ASB4: variants seen among roughly 807,000 people sequenced by gnomAD.
ASB4 encodes ankyrin repeat and SOCS box protein 4.
In ASB4, 35 loss-of-function variants were observed where a neutral mutation model predicts 38.6. The observed-to-expected ratio is 0.91, with a 90% CI of 0.69 to 1.20. ASB4 has a LOEUF of 1.20. Among genes scored for constraint, ASB4 ranks in the 50% most tolerant of loss-of-function variants. The pLI, the probability that ASB4 is intolerant of heterozygous loss-of-function variation, is 0.00. For missense variants in ASB4, 557 were observed against 527.2 expected (o/e 1.06, Z -0.55); for synonymous variants, 195 against 201.3 (o/e 0.97, Z 0.26).
At chr7:95,497,132 G>A (rs1465688285) in intron 2 of ASB4, among the ~76,000 whole-genome samples, 1 of 152,102 alleles carries the variant, frequency 6.6e-6, no homozygotes, top group Non-Finnish European at 1.5e-5. Context: ...TCAAAGTGTA[G>A]GGCTCTGAAA....
At chr7:95,472,740 C>T in the ASB4 span, among the ~76,000 whole-genome samples, 3 of 152,106 alleles carry the variant, frequency 2.0e-5, no homozygotes, top group Non-Finnish European at 4.4e-5. Context: ...TATGATAAAA[C>T]GCGGTTAACC....
intron 3 of ASB4, among the ~76,000 whole-genome samples, chr7:95,532,898 T>C (rs1459706279): frequency 6.6e-6 from 1 of 152,196 alleles, no homozygotes. Context: ...CATCTTCTGT[T>C]TTCTGGGCTG....
chr7:95,493,139 A>G (rs184240566), intron 1 of ASB4, among the ~76,000 whole-genome samples: 1 of 152,186 alleles, frequency 6.6e-6, no homozygotes, highest in Non-Finnish European at 1.5e-5. Context: ...TGGAATCTCA[A>G]AGTAATATAT....
At chr7:95,502,854 T>A (rs1004335895) in intron 2 of ASB4, among the ~76,000 whole-genome samples, 1 of 152,166 alleles carries the variant, frequency 6.6e-6, no homozygotes, top group Non-Finnish European at 1.5e-5. Context: ...CTCAAAAAAT[T>A]GCTTGATTCC....
intron 2 of ASB4, among the ~76,000 whole-genome samples, chr7:95,506,859 A>G (rs1445043354): frequency 2.0e-5 from 3 of 151,584 alleles, no homozygotes; most frequent in Non-Finnish European, 4.4e-5. Flanking sequence ...TCTGCTTTCT[A>G]TATGCTCTCT....
downstream of ASB4, chr7:95,544,395 A>T (rs1466208958): frequency 6.6e-6 from 1 of 152,202 alleles, no homozygotes; most frequent in African/African-American, 2.4e-5. Flanking sequence ...TCTTAGGATG[A>T]TCCATCAAGG....
chr7:95,509,568 A>G (rs896803647), intron 2 of ASB4, among the ~76,000 whole-genome samples: 1 of 152,226 alleles, frequency 6.6e-6, no homozygotes. Flanking sequence ...ACTTGAGTAA[A>G]TAATTTAATA....
At position 95,527,988 on chromosome 7, in the gene ASB4, C is replaced by A; in HGVS notation, c.663C>A (p.Arg221=). ...PLAIAAYWAL[R]FKEQEYSTEH... is the part of the protein sequence containing the mutation. ...CCATCGCCGCCTACTGGGCCCTCCG[C>A]TTTAAGGAGCAGGAGTACAGCACGG... The change falls in exon 3 of 5, where the codon CGC becomes CGA. Residue 221 remains arginine, a synonymous_variant. Coordinates refer to ENST00000325885, the MANE Select transcript of ASB4 (RefSeq NM_016116.3). 6.2e-7 allele frequency: 1 copy of A among 1,614,138 alleles called. No homozygotes were observed. Among genetic ancestry groups the A allele is most frequent in the East Asian group, 2.2e-5 (1 of 44,822 alleles).
intron 1 of ASB4, 123 bp from the exon 2 acceptor site, chr7:95,495,635 C>A: frequency 1.1e-6 from 1 of 945,474 alleles, no homozygotes; most frequent in East Asian, 2.6e-5. Context: ...TCTGTCATCC[C>A]CTCTCCACCC....
chr7:95,549,492 TTTCACCGTG>T, the ASB4 span, among the ~76,000 whole-genome samples: 257 of 151,888 alleles, frequency 1.7e-3, 3 homozygotes, highest in Middle Eastern at 0.01. Context: ...AGAGACAGGG[TTTCACCGTG>T]TTCGCCAGGA....
At chr7:95,484,330 C>CAA (rs549687405), upstream of ASB4, among the ~76,000 whole-genome samples, 16 of 149,260 alleles carry the variant, frequency 1.1e-4, no homozygotes, top group African/African-American at 3.9e-4. Context: ...GATCCTGTCT[C>CAA]AAAAAAAAAT....
At chr7:95,518,853 A>C (rs1217064115) in intron 2 of ASB4, among the ~76,000 whole-genome samples, 1 of 152,114 alleles carries the variant, frequency 6.6e-6, no homozygotes, top group East Asian at 2.0e-4. Context: ...TTCAGGACAG[A>C]GATAAAAGGA....
At chr7:95,547,979 T>A in the ASB4 span, among the ~76,000 whole-genome samples, 4 of 152,372 alleles carry the variant, frequency 2.6e-5, no homozygotes, top group African/African-American at 9.6e-5. Context: ...ATATATAACC[T>A]ACGGGTTCTG....
At chr7:95,514,409 G>A (rs1790526394) in intron 2 of ASB4, among the ~76,000 whole-genome samples, 1 of 152,206 alleles carries the variant, frequency 6.6e-6, no homozygotes, top group South Asian at 2.1e-4. Flanking sequence ...CTAAATATAT[G>A]AACAAACTAT....
intron 4 of ASB4, 135 bp downstream of exon 4, chr7:95,536,685 G>C (rs1790894713): frequency 1.8e-6 from 1 of 545,192 alleles, no homozygotes; most frequent in South Asian, 2.3e-5. Flanking sequence ...TGAGACAAAG[G>C]GTTATAAAAT....
intron 3 of ASB4, among the ~76,000 whole-genome samples, chr7:95,531,959 G>A (rs1790824963): frequency 6.6e-6 from 1 of 152,172 alleles, no homozygotes; most frequent in Admixed American, 6.5e-5. Flanking sequence ...GTATGCTAAA[G>A]ACATTTAGGA....
chr7:95,519,818 G>A (rs1249971458), intron 2 of ASB4, among the ~76,000 whole-genome samples: 2 of 151,812 alleles, frequency 1.3e-5, no homozygotes, highest in Non-Finnish European at 2.9e-5. Context: ...TTTGAGGACT[G>A]GAGTTAAAAA....
At chr7:95,493,888 T>A (rs1790209776) in intron 1 of ASB4, among the ~76,000 whole-genome samples, 1 of 152,228 alleles carries the variant, frequency 6.6e-6, no homozygotes, top group Admixed American at 6.5e-5. Flanking sequence ...AGTATTTGAT[T>A]GACGGATGTA....
chr7:95,481,860 G>A (rs1048711991), upstream of ASB4, among the ~76,000 whole-genome samples: 1 of 152,164 alleles, frequency 6.6e-6, no homozygotes, highest in African/African-American at 2.4e-5. Flanking sequence ...TAATGAAACA[G>A]TAATAAAAAG....
Sources: allele counts gnomAD v4.1 joint callset (sites outside exome capture counted in the v4.1 genomes callset), GRCh38; gene constraint gnomAD v4.1.1; transcripts MANE v1.5; gene names NCBI Gene and HGNC (gene_info 2026-07-23, HGNC 2026-07-21).